GALNT4: variants seen among roughly 807,000 people sequenced by gnomAD.
GALNT4 encodes the protein polypeptide N-acetylgalactosaminyltransferase 4.
In GALNT4, 23 loss-of-function variants were observed where a neutral mutation model predicts 45.1. The observed-to-expected ratio is 0.51, with a 90% CI of 0.37 to 0.72. The LOEUF is 0.72. Ranked by LOEUF, GALNT4 falls within the 30% of genes least tolerant of loss-of-function variation. The pLI, the probability that GALNT4 is intolerant of heterozygous loss-of-function variation, is 0.00. For synonymous variants in GALNT4, 264 were observed against 257.6 expected (o/e 1.02, Z -0.24); for missense variants, 757 against 709.0 (o/e 1.07, Z -0.77).
rs562752158 is a variant in GALNT4 at position 89,521,819 on chromosome 12, A to G, written c.*994T>C. 3.3e-5 allele frequency: 13 copies of G among 395,424 alleles called. No homozygotes were observed. The highest frequency in any genetic ancestry group is 2.5e-4 in the African/African-American group (12 of 48,720). 24.5% of individuals were successfully genotyped at this position (395,424 alleles called of 1,614,324 possible). A position where few individuals can be genotyped will look rare whatever the true frequency, so the allele number is the denominator to read the frequency against. On this transcript the variant is annotated 3_prime_UTR_variant, in exon 1 of 1. Coordinates refer to ENST00000529983, the MANE Select transcript of GALNT4 (RefSeq NM_003774.5). ...TCTTTTTTCCTTGCATTTTTAAGAT[A>G]AATTCTTAAATTTCCTGATCAGCAG... is the stretch of plus-strand genomic sequence containing the variant.
At position 89,523,625 on chromosome 12, in the gene GALNT4, T is replaced by C; in HGVS notation, c.925A>G (p.Met309Val). 1.3e-6 allele frequency: 2 copies of C among 1,547,772 alleles called. No individual in the cohort carries two copies. The highest frequency in any genetic ancestry group is 1.7e-6 in the Non-Finnish European group (2 of 1,152,366). Residue 309 changes from methionine to valine, a missense_variant, in exon 1 of 1, where the codon ATG (methionine) becomes GTG (valine). Physicochemically the swap from Met to Val is conservative, Grantham distance 21. Transcript: ENST00000529983. ...SRIDPIRSPT[M>V]AGGLFAVSKK... ...CTGACAGCAAACAGTCCTCCAGCCA[T>C]GGTAGGTGATCTGATGGGGTCAATT...
At position 89,524,045 on chromosome 12, in the gene GALNT4, CTT is replaced by C; in HGVS notation, c.503_504del (p.Lys168ArgfsTer7). 7 of 1,613,588 alleles carry C rather than the reference CTT, an allele frequency of 4.3e-6. No homozygotes were observed. The highest frequency in any genetic ancestry group is 5.9e-6 in the Non-Finnish European group (7 of 1,179,718). On this transcript the variant is annotated frameshift_variant, in exon 1 of 1. Coordinates refer to ENST00000529983, the MANE Select transcript of GALNT4 (RefSeq NM_003774.5). LOFTEE classifies it high-confidence loss of function. Reference sequence around the variant, plus strand: ...CTCAAGTCATCCACCAAGATGATCTCTTTCAAAAGAACTGCAGGAGAAGTTTC... The same window carrying C: ...CTCAAGTCATCCACCAAGATGATCTCTCAAAAGAACTGCAGGAGAAGTTTC... ...VLETSPAVLL[K>X]EIILVDDLSD...
rs138267474 is a variant in GALNT4, at chr12:89,520,132, A to G, written c.*2681T>C. On this transcript the variant is annotated 3_prime_UTR_variant, in exon 1 of 1. Transcript: ENST00000529983. ...TTATGTACTCTATTATGAGGAATGAACAGCCTAACTATACTGGATTATTGA... is the reference window on the plus strand; with the variant it reads ...TTATGTACTCTATTATGAGGAATGAGCAGCCTAACTATACTGGATTATTGA... The G allele has an allele frequency of 4.6e-3, 698 of 152,272 alleles. 2 individuals carry two copies. Among genetic ancestry groups the G allele is most frequent in the African/African-American group, 0.016 (658 of 41,572 alleles). 9.4% of individuals were successfully genotyped at this position (152,272 alleles called of 1,614,324 possible).
rs772256236 is a variant in GALNT4 at position 89,523,447 on chromosome 12, G to A, written c.1103C>T (p.Ala368Val). ...SHVGHVFPKRAPYARPNFLQN... is the reference protein window; with the variant it reads ...SHVGHVFPKRVPYARPNFLQN... Reference sequence around the variant, plus strand: ...TAGGAAATTGGGGCGAGCATATGGTGCCCGCTTGGGGAACACATGGCCCAC... The same window carrying A: ...TAGGAAATTGGGGCGAGCATATGGTACCCGCTTGGGGAACACATGGCCCAC... The change falls in exon 1 of 1, where the codon GCA becomes GTA. Residue 368 changes from alanine (A) to valine (V), a missense_variant. By Grantham distance (64) the Ala-to-Val change is moderately conservative. Coordinates refer to ENST00000529983, the MANE Select transcript of GALNT4 (RefSeq NM_003774.5). 3.1e-6 allele frequency: 5 copies of A among 1,614,050 alleles called. No homozygotes were observed. The South Asian group carries it at 3.3e-5, about 11-fold the overall frequency.
rs1347984166 is a variant in GALNT4, at chr12:89,520,597, T to C, written c.*2216A>G. 1.3e-5 allele frequency: 2 copies of C among 152,152 alleles called. No homozygotes were observed. The highest frequency in any genetic ancestry group is 2.9e-5 in the Non-Finnish European group (2 of 68,018). The allele number at this position is 152,152 out of a possible 1,614,324, so 9.4% of individuals were successfully genotyped here. ...GATAAACTTTAAGGCTGCTAAATAA[T>C]TTACAGAAACTGTGAATGCATTTTC... On this transcript the variant is annotated 3_prime_UTR_variant, in exon 1 of 1. Coordinates refer to ENST00000529983, the MANE Select transcript of GALNT4 (RefSeq NM_003774.5).
Position 89,524,688 on chromosome 12 carries a change from C to T in GALNT4, c.-139G>A. 1.1e-6 allele frequency: 1 copy of T among 912,674 alleles called. No homozygotes were observed. Among genetic ancestry groups the T allele is most frequent in the Non-Finnish European group, 1.7e-6 (1 of 603,658 alleles). 56.5% of individuals were successfully genotyped at this position (912,674 alleles called of 1,614,324 possible). On this transcript the variant is annotated 5_prime_UTR_variant, in exon 1 of 1. The change creates a new upstream start codon in the 5' untranslated region. Transcript: ENST00000529983. ...CAGGCGCTAGGCTCCTTTCCAGCCA[C>T]CCAGGCTTTCCAGGGGTCACCTGAG... is the stretch of plus-strand genomic sequence containing the variant.
chr12:89,522,945 T>G lies in GALNT4; in HGVS notation c.1605A>C (p.Glu535Asp). 3 of 1,614,106 alleles carry G rather than the reference T, an allele frequency of 1.9e-6. No individual in the cohort carries two copies. In the East Asian group the frequency reaches 6.7e-5, roughly 36 times the overall value. The part of the protein sequence containing the change: ...VPANIIWHFK[E>D]DGTIFHPHSG... ...AGTGTGGGTGAAAAATAGTTCCATCTTCTTTAAAATGCCAAATAATGTTTG... is the reference window on the plus strand; with the variant it reads ...AGTGTGGGTGAAAAATAGTTCCATCGTCTTTAAAATGCCAAATAATGTTTG... Residue 535 changes from glutamate (E) to aspartate (D), a missense_variant, in exon 1 of 1, where the codon GAA (glutamate) becomes GAC (aspartate). By Grantham distance (45) the Glu-to-Asp change is conservative. Transcript: ENST00000529983.
chr12:89,523,543 C>A lies in GALNT4; in HGVS notation c.1007G>T (p.Gly336Val). 6.2e-7 allele frequency: 1 copy of A among 1,601,424 alleles called. No individual in the cohort carries two copies. The highest frequency in any genetic ancestry group is 8.5e-7 in the Non-Finnish European group (1 of 1,175,032). Residue 336 changes from glycine (G) to valine (V), a missense_variant, in exon 1 of 1, where the codon GGT (glycine) becomes GTT (valine). Physicochemically the swap from Gly to Val is moderately radical, Grantham distance 109. Transcript: ENST00000529983. Reference protein sequence around the residue: ...TYDTGMEVWGGENLELSFRVW... With the variant: ...TYDTGMEVWGVENLELSFRVW... ...CCTAAAAGACAGCTCAAGGTTTTCACCTCCCCACACTTCCATTCCTGTGTC... is the reference window on the plus strand; with the variant it reads ...CCTAAAAGACAGCTCAAGGTTTTCAACTCCCCACACTTCCATTCCTGTGTC...
Position 89,523,481 on chromosome 12 carries a change from A to T in GALNT4, c.1069T>A (p.Cys357Ser). 6.2e-7 allele frequency: 1 copy of T among 1,613,088 alleles called. No individual in the cohort carries two copies. The highest frequency in any genetic ancestry group is 8.5e-7 in the Non-Finnish European group (1 of 1,179,578). The part of the protein sequence containing the change: ...QCGGKLEIHP[C>S]SHVGHVFPKR... ...GGGAACACATGGCCCACGTGGGAAC[A>T]CGGGTGGATCTCCAATTTGCCACCA... The change falls in exon 1 of 1, where the codon TGT becomes AGT. Residue 357 changes from cysteine to serine, a missense_variant. Transcript: ENST00000529983.
Position 89,521,998 on chromosome 12 carries a change from A to T in GALNT4, c.*815T>A, listed in dbSNP as rs1317263365. On this transcript the variant is annotated 3_prime_UTR_variant, in exon 1 of 1. Coordinates refer to ENST00000529983, the MANE Select transcript of GALNT4 (RefSeq NM_003774.5). The stretch of plus-strand genomic sequence containing the variant: ...AACAAAGGGAGGCATAGTATTCTGG[A>T]TGAGTCCCTTTCTAGTACATTCATA... The T allele has an allele frequency of 2.5e-6, 1 of 399,024 alleles. No individual in the cohort carries two copies. The highest frequency in any genetic ancestry group is 4.4e-5 in the Admixed American group (1 of 22,730). The allele number at this position is 399,024 out of a possible 1,614,324, so 24.7% of individuals were successfully genotyped here.
In GALNT4 at chr12:89,520,074, T is replaced by TAAATATGA; in HGVS notation, c.*2731_*2738dup. ...TTTTGGAATTAAATTGGAACGTGCCTAAATATGAAAATGTGAAAGTCCCAC... is the reference window on the plus strand; with the variant it reads ...TTTTGGAATTAAATTGGAACGTGCCTAAATATGAAAATATGAAAATGTGAAAGTCCCAC... On this transcript the variant is annotated 3_prime_UTR_variant, in exon 1 of 1. Coordinates refer to ENST00000529983, the MANE Select transcript of GALNT4 (RefSeq NM_003774.5). 6.6e-6 allele frequency: 1 copy of TAAATATGA among 152,156 alleles called. No individual in the cohort carries two copies. The highest frequency in any genetic ancestry group is 2.4e-5 in the African/African-American group (1 of 41,464). The allele number at this position is 152,156 out of a possible 1,614,324, so 9.4% of individuals were successfully genotyped here.
chr12:89,523,651 C>A lies in GALNT4; in HGVS notation c.899G>T (p.Arg300Ile), dbSNP rs1232947961. Residue 300 changes from arginine (R) to isoleucine (I), a missense_variant, in exon 1 of 1, where the codon AGA becomes ATA. By Grantham distance (97) the Arg-to-Ile change is moderately conservative. Coordinates refer to ENST00000529983, the MANE Select transcript of GALNT4 (RefSeq NM_003774.5). Reference sequence around the variant, plus strand: ...GGTAGGTGATCTGATGGGGTCAATTCTTGATATCCGCCTGTCCCTTTCCTG... The same window carrying A: ...GGTAGGTGATCTGATGGGGTCAATTATTGATATCCGCCTGTCCCTTTCCTG... The part of the protein sequence containing the change: ...PKQERDRRIS[R>I]IDPIRSPTMA... The A allele has an allele frequency of 6.5e-7, 1 of 1,537,690 alleles. No individual in the cohort carries two copies.
Position 89,522,200 on chromosome 12 carries a change from T to G in GALNT4, c.*613A>C, listed in dbSNP as rs756909563. The G allele has an allele frequency of 2.5e-6, 1 of 398,568 alleles. No homozygotes were observed. Among genetic ancestry groups the G allele is most frequent in the Non-Finnish European group, 4.4e-6 (1 of 226,060 alleles). 24.7% of individuals were successfully genotyped at this position (398,568 alleles called of 1,614,324 possible). On this transcript the variant is annotated 3_prime_UTR_variant, in exon 1 of 1. Transcript: ENST00000529983. ...CCCATTTCATTTAAATATGGGTATG[T>G]CTGCATGTTAAAAAGGCCTCCAAAC...
rs10858893 is a variant in GALNT4, at chr12:89,519,546, G to T, written c.*3267C>A. Reference sequence around the variant, plus strand: ...AGAAGAGATTAATCTGAACTTCAACGTTCTTTGTGCTCATTTTAAAATTAT... The same window carrying T: ...AGAAGAGATTAATCTGAACTTCAACTTTCTTTGTGCTCATTTTAAAATTAT... On this transcript the variant is annotated 3_prime_UTR_variant, in exon 1 of 1. Coordinates refer to ENST00000529983, the MANE Select transcript of GALNT4 (RefSeq NM_003774.5). 2 of 152,412 alleles carry T rather than the reference G, an allele frequency of 1.3e-5. No individual in the cohort carries two copies. The highest frequency in any genetic ancestry group is 2.9e-5 in the Non-Finnish European group (2 of 67,992). 9.4% of individuals were successfully genotyped at this position (152,412 alleles called of 1,614,324 possible). A position where few individuals can be genotyped will look rare whatever the true frequency, so the allele number is the denominator to read the frequency against.
rs373952499 is a variant in GALNT4 at position 89,523,054 on chromosome 12, A to T, written c.1496T>A (p.Val499Glu). 10 of 1,613,752 alleles carry T rather than the reference A, an allele frequency of 6.2e-6. No individual in the cohort carries two copies. Among genetic ancestry groups the T allele is most frequent in the Non-Finnish European group, 8.5e-6 (10 of 1,179,766 alleles). Reference protein sequence around the residue: ...TSNKEIRFNSVTELCAEVPEQ... With the variant: ...TSNKEIRFNSETELCAEVPEQ... ...AGGTACCTCTGCACATAACTCTGTC[A>T]CAGAATTAAACCTTATTTCTTTGTT... The change falls in exon 1 of 1, where the codon GTG (valine) becomes GAG (glutamate). Residue 499 changes from valine (V) to glutamate (E), a missense_variant. By Grantham distance (121) the Val-to-Glu change is moderately radical. Transcript: ENST00000529983.
Position 89,519,713 on chromosome 12 carries a change from G to C in GALNT4, c.*3100C>G, listed in dbSNP as rs1565760430. 1 of 152,416 alleles carries C rather than the reference G, an allele frequency of 6.6e-6. No individual in the cohort carries two copies. The highest frequency in any genetic ancestry group is 1.5e-5 in the Non-Finnish European group (1 of 67,988). The allele number at this position is 152,416 out of a possible 1,614,324, so 9.4% of individuals were successfully genotyped here. The stretch of plus-strand genomic sequence containing the variant: ...AAAGTTTGATTTGCCATCTTATAAT[G>C]AATATGCAGGAACTTACTAATGGGT... On this transcript the variant is annotated 3_prime_UTR_variant, in exon 1 of 1. Transcript: ENST00000529983.
In GALNT4 at chr12:89,523,412, C is replaced by T. The variant is rs1871102046; in HGVS notation, c.1138G>A (p.Ala380Thr). 5.6e-6 allele frequency: 9 copies of T among 1,614,026 alleles called. No homozygotes were observed. Among genetic ancestry groups the T allele is most frequent in the Non-Finnish European group, 7.6e-6 (9 of 1,179,902 alleles). The change falls in exon 1 of 1, where the codon GCT becomes ACT. Residue 380 changes from alanine (A) to threonine (T), a missense_variant. By Grantham distance (58) the Ala-to-Thr change is moderately conservative. Coordinates refer to ENST00000529983, the MANE Select transcript of GALNT4 (RefSeq NM_003774.5). ...YARPNFLQNT[A>T]RAAEVWMDEY... ...TCCATCCAAACTTCTGCTGCCCGAG[C>T]AGTATTCTGTAGGAAATTGGGGCGA... is the stretch of plus-strand genomic sequence containing the variant.
In GALNT4 at chr12:89,523,662, C is replaced by T; in HGVS notation, c.888G>A (p.Arg296=). 1.3e-6 allele frequency: 2 copies of T among 1,538,178 alleles called. No homozygotes were observed. The highest frequency in any genetic ancestry group is 1.4e-5 in the African/African-American group (1 of 72,224). ...WHSVPKQERD[R]RISRIDPIRS... ...TGATGGGGTCAATTCTTGATATCCG[C>T]CTGTCCCTTTCCTGTTTGGGGACAG... Residue 296 remains arginine, a synonymous_variant, in exon 1 of 1, where the codon AGG becomes AGA. Coordinates refer to ENST00000529983, the MANE Select transcript of GALNT4 (RefSeq NM_003774.5).
Position 89,519,577 on chromosome 12 carries a change from C to A in GALNT4, c.*3236G>T, listed in dbSNP as rs1030302737. On this transcript the variant is annotated 3_prime_UTR_variant, in exon 1 of 1. Transcript: ENST00000529983. ...TGTGCTCATTTTAAAATTATTAAAA[C>A]AGGAATTCAAAAGGACAAGCAAATA... 5 of 152,484 alleles carry A rather than the reference C, an allele frequency of 3.3e-5. No homozygotes were observed. Among genetic ancestry groups the A allele is most frequent in the African/African-American group, 1.2e-4 (5 of 41,400 alleles). The allele number at this position is 152,484 out of a possible 1,614,324, so 9.4% of individuals were successfully genotyped here. A position where few individuals can be genotyped will look rare whatever the true frequency, so the allele number is the denominator to read the frequency against.
Sources: allele counts gnomAD v4.1 joint callset, GRCh38; gene constraint gnomAD v4.1.1; transcripts MANE v1.5; gene names NCBI Gene and HGNC (gene_info 2026-07-23, HGNC 2026-07-21).